The following CARMIL1 variants were observed in gnomAD, a reference collection of about 807,000 sequenced individuals.
The protein encoded by CARMIL1 is F-actin-uncapping protein LRRC16A.
A neutral mutation model predicts 177.1 loss-of-function variants in CARMIL1; 90 were observed. The observed-to-expected ratio is 0.51, with a 90% CI of 0.43 to 0.61. The LOEUF is 0.61. Ranked by LOEUF, CARMIL1 falls within the 20% of genes least tolerant of loss-of-function variation. The pLI, the probability that CARMIL1 is intolerant of heterozygous loss-of-function variation, is 0.00. For missense variants in CARMIL1, 1,380 were observed against 1,667.0 expected (o/e 0.83, Z 3.00); for synonymous variants, 577 against 606.2 (o/e 0.95, Z 0.71).
At chr6:25,449,804 C>G in intron 5 of CARMIL1, 94 bp from the exon 6 acceptor site, 1 of 693,706 alleles carries the variant, frequency 1.4e-6, no homozygotes, top group South Asian at 2.6e-5. Context: ...TGACCCTCAT[C>G]TTTGTTGAAG....
intron 2 of CARMIL1, among the ~76,000 whole-genome samples, chr6:25,390,417 G>A (rs1792686556): frequency 6.7e-6 from 1 of 148,300 alleles, no homozygotes; most frequent in South Asian, 2.1e-4. Flanking sequence ...TGCCTCTTGG[G>A]CTCAAGTGAT....
intron 6 of CARMIL1, 82 bp from the exon 7 acceptor site, chr6:25,450,257 A>G: frequency 1.0e-6 from 1 of 953,158 alleles, no homozygotes. Flanking sequence ...CATTGTCAAC[A>G]TCGGCCATAT....
At chr6:25,528,921 CCTT>C (rs1337420336) in intron 24 of CARMIL1, 28 bp downstream of exon 24, 2 of 1,549,948 alleles carry the variant, frequency 1.3e-6, no homozygotes, top group Admixed American at 1.8e-5. Context: ...TGTGACTTCT[CCTT>C]CTATTCTTAA....
intron 4 of CARMIL1, among the ~76,000 whole-genome samples, chr6:25,428,727 G>A (rs988266376): frequency 1.3e-5 from 2 of 152,120 alleles, no homozygotes; most frequent in Admixed American, 6.5e-5. Flanking sequence ...AGCTTTCAGC[G>A]TACTGGTCTT....
Position 25,346,279 on chromosome 6 carries a change from G to A in CARMIL1, c.138+61370G>A, listed in dbSNP as rs181482787. On this transcript the variant is annotated intron_variant, in intron 2 of 36. Transcript: ENST00000329474. ...ACTTGCTTCCTTGTTTCCCCCTCTGGTCTTGCTGTTTCTTGAAACAGTCCA... is the reference window on the plus strand; with the variant it reads ...ACTTGCTTCCTTGTTTCCCCCTCTGATCTTGCTGTTTCTTGAAACAGTCCA... Among the ~76,000 whole-genome samples, 7 of 152,152 alleles carry A rather than the reference G, an allele frequency of 4.6e-5. No individual in the cohort carries two copies. The East Asian group carries it at 1.4e-3, about 29-fold the overall frequency.
intron 31 of CARMIL1, among the ~76,000 whole-genome samples, chr6:25,590,701 T>A (rs1313673152): frequency 6.6e-6 from 1 of 152,144 alleles, no homozygotes; most frequent in Middle Eastern, 3.2e-3. Flanking sequence ...ATTCTTAAGA[T>A]CATTTTGATA....
At chr6:25,618,354 G>A (rs1404783627) in intron 36 of CARMIL1, among the ~76,000 whole-genome samples, 1 of 152,040 alleles carries the variant, frequency 6.6e-6, no homozygotes, top group African/African-American at 2.4e-5. Flanking sequence ...TGTGTTCCTG[G>A]TTAGATCATT....
chr6:25,309,378 T>G (rs1321592732), intron 2 of CARMIL1, among the ~76,000 whole-genome samples: 1 of 138,438 alleles, frequency 7.2e-6, no homozygotes, highest in Non-Finnish European at 1.6e-5. Context: ...AAAAAAAAAG[T>G]AATTCACATA....
At chr6:25,532,927 A>C (rs995767435) in intron 24 of CARMIL1, among the ~76,000 whole-genome samples, 4 of 152,202 alleles carry the variant, frequency 2.6e-5, no homozygotes. Context: ...TAAATGAATG[A>C]GTGTTATTAC....
At chr6:25,293,365 A>G (rs1325502091) in intron 2 of CARMIL1, among the ~76,000 whole-genome samples, 1 of 149,042 alleles carries the variant, frequency 6.7e-6, no homozygotes, top group East Asian at 2.0e-4. Flanking sequence ...TATTTTCCTC[A>G]TCTTGTTTCT....
intron 8 of CARMIL1, among the ~76,000 whole-genome samples, chr6:25,455,770 A>T (rs1435936770): frequency 4.6e-5 from 7 of 152,150 alleles, no homozygotes; most frequent in Admixed American, 4.6e-4. Context: ...GGACCATTTC[A>T]GATTCAAAGC....
chr6:25,329,806 T>A (rs1354438916), intron 2 of CARMIL1, among the ~76,000 whole-genome samples: 1 of 152,162 alleles, frequency 6.6e-6, no homozygotes, highest in Non-Finnish European at 1.5e-5. Context: ...AAGAAAACAA[T>A]GAAAAGATAA....
chr6:25,345,641 G>C (rs1297703606), intron 2 of CARMIL1, among the ~76,000 whole-genome samples: 1 of 152,060 alleles, frequency 6.6e-6, no homozygotes, highest in African/African-American at 2.4e-5. Flanking sequence ...TTTTGAGACA[G>C]AGTCTCCCTC....
intron 8 of CARMIL1, chr6:25,452,494 G>A (rs1799075661): frequency 5.7e-6 from 2 of 348,872 alleles, no homozygotes; most frequent in East Asian, 9.6e-5. Flanking sequence ...TTTGGTTTTT[G>A]TGGGTCAAAA....
chr6:25,471,358 C>A, intron 10 of CARMIL1, 101 bp downstream of exon 10: 2 of 704,852 alleles, frequency 2.8e-6, no homozygotes, highest in Non-Finnish European at 2.3e-6. Flanking sequence ...TTGGGCTGAT[C>A]ACATATACAG....
At chr6:25,591,202 G>A (rs966595808) in intron 31 of CARMIL1, among the ~76,000 whole-genome samples, 1 of 152,180 alleles carries the variant, frequency 6.6e-6, no homozygotes, top group Non-Finnish European at 1.5e-5. Context: ...CAGGTGCACC[G>A]CCTACTGTCT....
chr6:25,379,297 A>G (rs183872834), intron 2 of CARMIL1, among the ~76,000 whole-genome samples: 15 of 152,272 alleles, frequency 9.9e-5, no homozygotes, highest in African/African-American at 3.6e-4. Flanking sequence ...GCCTGCTGTG[A>G]TGTGTTGGGA....
At chr6:25,302,043 T>TA (rs35639646) in intron 2 of CARMIL1, among the ~76,000 whole-genome samples, 64,703 of 152,010 alleles carry the variant, frequency 0.43, 14,472 homozygotes, top group Middle Eastern at 0.5. Flanking sequence ...AAAAAATCAT[T>TA]AAAAATACAT....
At chr6:25,424,533 A>G (rs891816552) in intron 3 of CARMIL1, among the ~76,000 whole-genome samples, 4 of 152,204 alleles carry the variant, frequency 2.6e-5, no homozygotes, top group Admixed American at 6.5e-5. Context: ...CACACCTGCT[A>G]CCACCCACTG....
Sources: gnomAD v4.1 joint callset for allele counts (sites outside exome capture counted in the v4.1 genomes callset) on GRCh38, gnomAD v4.1.1 for gene constraint, MANE v1.5 for transcripts, NCBI Gene and HGNC (gene_info 2026-07-23, HGNC 2026-07-21) for gene names.